Variants in ARHGAP18 observed in about 807,000 individuals in gnomAD.
ARHGAP18 encodes the protein rho GTPase-activating protein 18.
ARHGAP18 carries 67 observed loss-of-function variants against 86.2 expected under a neutral mutation model. The observed-to-expected ratio is 0.78, with a 90% confidence interval of 0.64 to 0.95. The LOEUF is 0.95. Ranked by LOEUF, ARHGAP18 falls within the 40% of genes least tolerant of loss-of-function variation. ARHGAP18 has a pLI of 0.00. For synonymous variants in ARHGAP18, 283 were observed against 280.4 expected, an observed-to-expected ratio of 1.01 and a Z score of -0.09; for missense variants, 691 against 780.4, an observed-to-expected ratio of 0.89 and a Z score of 1.37.
intron 1 of ARHGAP18, among the ~76,000 whole-genome samples, chr6:129,659,438 A>G (rs1773904754): frequency 6.6e-6 from 1 of 151,618 alleles, no homozygotes; most frequent in African/African-American, 2.4e-5. Flanking sequence ...TACTTCAGAC[A>G]AGATAGGCCT....
intron 5 of ARHGAP18, among the ~76,000 whole-genome samples, chr6:129,626,696 CACAG>C (rs1341973198): frequency 1.5e-5 from 2 of 131,468 alleles, no homozygotes; most frequent in East Asian, 2.1e-4. Context: ...CACACACACA[CACAG>C]ACAAATAGAA....
chr6:129,655,416 A>G (rs1773816089), intron 1 of ARHGAP18, among the ~76,000 whole-genome samples: 1 of 151,912 alleles, frequency 6.6e-6, no homozygotes, highest in Non-Finnish European at 1.5e-5. Flanking sequence ...AAGGATTAAG[A>G]GCATGTAATA....
intron 1 of ARHGAP18, among the ~76,000 whole-genome samples, chr6:129,680,607 C>T (rs906043504): frequency 6.6e-6 from 1 of 152,148 alleles, no homozygotes; most frequent in African/African-American, 2.4e-5. Flanking sequence ...GCAAGCAGCC[C>T]CCTACACAGG....
chr6:129,627,009 G>A (rs1028200785), intron 5 of ARHGAP18, among the ~76,000 whole-genome samples: 2 of 152,042 alleles, frequency 1.3e-5, no homozygotes, highest in Admixed American at 6.6e-5. Context: ...CGGAATCAGA[G>A]TTTCCTGCAG....
chr6:129,674,864 G>A (rs142928171), intron 1 of ARHGAP18, among the ~76,000 whole-genome samples: 3 of 152,206 alleles, frequency 2.0e-5, no homozygotes, highest in South Asian at 2.1e-4. Context: ...ACATCAGTTC[G>A]CTATCACATA....
chr6:129,634,777 G>A (rs1773296501), intron 3 of ARHGAP18, among the ~76,000 whole-genome samples: 1 of 151,996 alleles, frequency 6.6e-6, no homozygotes. Context: ...ACAAAACACT[G>A]AATTGTGCAC....
chr6:129,690,163 G>A (rs1287569854), intron 1 of ARHGAP18, among the ~76,000 whole-genome samples: 1 of 151,792 alleles, frequency 6.6e-6, no homozygotes, highest in Non-Finnish European at 1.5e-5. Flanking sequence ...TGTGTGTAAT[G>A]ATTTGTATGG....
intron 1 of ARHGAP18, among the ~76,000 whole-genome samples, chr6:129,686,968 T>A (rs1774435693): frequency 1.5e-5 from 1 of 68,888 alleles, no homozygotes; most frequent in Non-Finnish European, 3.0e-5. Context: ...TTTTTTTTTC[T>A]TTTTTTTTTC....
At position 129,652,971 on chromosome 6, in the gene ARHGAP18, T is replaced by C. The variant is rs779576179; in HGVS notation, c.114-10953A>G. Among the ~76,000 whole-genome samples the C allele has an allele frequency of 2.1e-4, 32 of 152,174 alleles. 1 individual carries two copies. Among genetic ancestry groups the C allele is most frequent in the Non-Finnish European group, 4.4e-4 (30 of 68,018 alleles). On this transcript the variant is annotated intron_variant, in intron 1 of 14. Coordinates refer to ENST00000368149, the MANE Select transcript of ARHGAP18 (RefSeq NM_033515.3). ...AGTAGGACTTTCATATAACTTTCTA[T>C]GCTAATAAAAACATCAACACAAGGC...
At chr6:129,632,942 A>C (rs898755467) in intron 4 of ARHGAP18, among the ~76,000 whole-genome samples, 1 of 152,160 alleles carries the variant, frequency 6.6e-6, no homozygotes, top group African/African-American at 2.4e-5. Flanking sequence ...AACACTATTA[A>C]TGGCATGAAC....
chr6:129,677,361 C>T (rs72986989), intron 1 of ARHGAP18, among the ~76,000 whole-genome samples: 7,038 of 151,982 alleles, frequency 0.046, 232 homozygotes, highest in Admixed American at 0.075. Context: ...CCACTGCAGT[C>T]CGGCCCTGGC....
intron 12 of ARHGAP18, among the ~76,000 whole-genome samples, chr6:129,591,752 A>C (rs1788520248): frequency 6.6e-6 from 1 of 152,192 alleles, no homozygotes; most frequent in Non-Finnish European, 1.5e-5. Context: ...TTTTTATGCT[A>C]CAGAAAACCC....
intron 1 of ARHGAP18, among the ~76,000 whole-genome samples, chr6:129,656,045 TCTTG>T (rs1399575062): frequency 6.6e-6 from 1 of 152,232 alleles, no homozygotes; most frequent in Non-Finnish European, 1.5e-5. Flanking sequence ...GAACTTGAGT[TCTTG>T]CTTGTTAATA....
intron 1 of ARHGAP18, among the ~76,000 whole-genome samples, chr6:129,655,354 AAAG>A (rs1773811606): frequency 1.4e-5 from 2 of 145,364 alleles, no homozygotes; most frequent in African/African-American, 5.6e-5. Flanking sequence ...AAAGAAAAGA[AAAG>A]AAAAGAAAAC....
intron 4 of ARHGAP18, 36 bp downstream of exon 4, chr6:129,634,006 G>A (rs1277000013): frequency 1.5e-4 from 210 of 1,397,248 alleles, no homozygotes; most frequent in South Asian, 6.9e-4. Context: ...TTAAAGGGCG[G>A]AAAAAAAAAA....
At chr6:129,620,933 C>T (rs1480305839) in intron 5 of ARHGAP18, among the ~76,000 whole-genome samples, 1 of 152,130 alleles carries the variant, frequency 6.6e-6, no homozygotes, top group Non-Finnish European at 1.5e-5. Flanking sequence ...AGACTGAATG[C>T]AAACGTAAAT....
chr6:129,615,065 C>G (rs1053700521), intron 7 of ARHGAP18, among the ~76,000 whole-genome samples: 2 of 152,310 alleles, frequency 1.3e-5, no homozygotes, highest in East Asian at 3.9e-4. Context: ...CTCTTCCTCT[C>G]ACTCTAAATA....
intron 1 of ARHGAP18, among the ~76,000 whole-genome samples, chr6:129,650,346 G>A (rs1248377977): frequency 6.6e-6 from 1 of 152,144 alleles, no homozygotes; most frequent in Admixed American, 6.5e-5. Context: ...GACAGCCGAG[G>A]CAGGTTTCAA....
At position 129,611,573 on chromosome 6, in the gene ARHGAP18, T is replaced by A. The variant is rs921412346; in HGVS notation, c.1082A>T (p.Glu361Val). 1 of 1,613,712 alleles carries A rather than the reference T, an allele frequency of 6.2e-7. No homozygotes were observed. The highest frequency in any genetic ancestry group is 1.3e-5 in the African/African-American group (1 of 74,932). The change falls in exon 8 of 15, where the codon GAA becomes GTA. Residue 361 changes from glutamate to valine, a missense_variant. By Grantham distance (121) the Glu-to-Val change is moderately radical. Transcript: ENST00000368149. ...AGCTCCAGGGATCCGTAAGAGGCCT[T>A]CTGTTTCCAAACCTCTCTCTTCAAT... ...SRIEERGLETEGLLRIPGAAI... is the reference protein window; with the variant it reads ...SRIEERGLETVGLLRIPGAAI...
Sources: allele counts gnomAD v4.1 joint callset (sites outside exome capture counted in the v4.1 genomes callset), GRCh38; gene constraint gnomAD v4.1.1; transcripts MANE v1.5; gene names NCBI Gene and HGNC (gene_info 2026-07-23, HGNC 2026-07-21).